STAM: variants seen among roughly 807,000 people sequenced by gnomAD.
The protein encoded by STAM is signal transducing adapter molecule 1.
A neutral mutation model predicts 63.4 loss-of-function variants in STAM; 16 were observed. The ratio of observed to expected loss-of-function variants is 0.25; its 90% CI spans 0.17 to 0.38. The LOEUF (loss-of-function observed/expected upper bound fraction) is 0.38. Among genes scored for constraint, STAM ranks in the 10% least tolerant of loss-of-function variants. The pLI, the probability that STAM is intolerant of heterozygous loss-of-function variation, is 1.00. For synonymous variants in STAM, 238 were observed against 223.9 expected (o/e 1.06, Z -0.56); for missense variants, 636 against 657.1 (o/e 0.97, Z 0.35).
At chr10:17,673,086 A>G in intron 2 of STAM, 1 of 970,494 alleles carries the variant, frequency 1.0e-6, no homozygotes. Context: ...CAGGTAGGTG[A>G]TGGAAACCTT....
In STAM at chr10:17,677,720, C is replaced by T. The variant is rs150085297; in HGVS notation, c.126-6955C>T. 2.0e-3 allele frequency among the ~76,000 whole-genome samples: 310 copies of T among 152,284 alleles called. 2 individuals are homozygous for T. Among genetic ancestry groups the T allele is most frequent in the African/African-American group, 7.2e-3 (298 of 41,564 alleles). Reference sequence around the variant, plus strand: ...AATTGAATGCTTGGCACATAATAGACATTCAGTCAATATTAGTTCTTTTGT... The same window carrying T: ...AATTGAATGCTTGGCACATAATAGATATTCAGTCAATATTAGTTCTTTTGT... On this transcript the variant is annotated intron_variant, in intron 2 of 13. Transcript: ENST00000377524.
chr10:17,648,434 C>T (rs1833604117), intron 1 of STAM, among the ~76,000 whole-genome samples: 1 of 152,208 alleles, frequency 6.6e-6, no homozygotes, highest in Non-Finnish European at 1.5e-5. Flanking sequence ...TAGCCAGCAG[C>T]AGCAACCGGC....
chr10:17,658,712 C>G lies in STAM; in HGVS notation c.41-1752C>G, dbSNP rs549293200. 8.5e-5 allele frequency among the ~76,000 whole-genome samples: 13 copies of G among 152,262 alleles called. No individual in the cohort carries two copies. The East Asian group carries it at 2.5e-3, about 29-fold the overall frequency. ...ATGTTGCCCAGGCTGGTCTTGAACT[C>G]CTGGGCTCAAATGATCTGCCCACTT... On this transcript the variant is annotated intron_variant, in intron 1 of 13. Transcript: ENST00000377524.
intron 5 of STAM, among the ~76,000 whole-genome samples, 200 bp downstream of exon 5, chr10:17,688,373 T>C (rs1459253352): frequency 6.6e-6 from 1 of 152,234 alleles, no homozygotes; most frequent in East Asian, 1.9e-4. Context: ...AAAAGTATTA[T>C]AATGGAATAT....
At chr10:17,688,664 T>C (rs1008950063) in intron 5 of STAM, among the ~76,000 whole-genome samples, 2 of 151,874 alleles carry the variant, frequency 1.3e-5, no homozygotes, top group Admixed American at 1.3e-4. Context: ...GGTTTCACCA[T>C]GTTGGCCAGG....
intron 1 of STAM, among the ~76,000 whole-genome samples, chr10:17,659,485 T>C (rs1554822589): frequency 6.8e-6 from 1 of 147,306 alleles, no homozygotes; most frequent in African/African-American, 2.5e-5. Flanking sequence ...TTTTTTTTTT[T>C]AAAGAGATAG....
At position 17,716,164 on chromosome 10, in the gene STAM, G is replaced by C. The variant is rs548482512; in HGVS notation, c.*1384G>C. ...TTAGCACTATTTAAACAACGGAAAA[G>C]TTGAGTCGAACATCATATTTAATGA... On this transcript the variant is annotated 3_prime_UTR_variant, in exon 14 of 14. Transcript: ENST00000377524. Among the ~76,000 whole-genome samples the C allele has an allele frequency of 6.6e-6, 1 of 152,086 alleles. No homozygotes were observed. The highest frequency in any genetic ancestry group is 2.4e-5 in the African/African-American group (1 of 41,440).
chr10:17,706,838 ACT>A (rs756179859), intron 12 of STAM, among the ~76,000 whole-genome samples: 1 of 152,180 alleles, frequency 6.6e-6, no homozygotes. Context: ...AGCTAAGAAA[ACT>A]CTCTTAAATA....
intron 2 of STAM, among the ~76,000 whole-genome samples, chr10:17,665,186 T>C (rs1451444774): frequency 1.3e-5 from 2 of 152,110 alleles, no homozygotes; most frequent in Non-Finnish European, 2.9e-5. Flanking sequence ...CTTAATTCCT[T>C]CTCTTAAAAA....
intron 6 of STAM, among the ~76,000 whole-genome samples, chr10:17,693,522 G>A (rs924979105): frequency 6.6e-6 from 1 of 152,052 alleles, no homozygotes; most frequent in South Asian, 2.1e-4. Flanking sequence ...TTACTATACC[G>A]TGTATCCAAA....
intron 1 of STAM, 21 bp downstream of exon 1, chr10:17,644,400 C>T: frequency 6.2e-7 from 1 of 1,614,034 alleles, no homozygotes; most frequent in Non-Finnish European, 8.5e-7. Flanking sequence ...TTGCCTCTCC[C>T]TGCCCATTCC....
intron 5 of STAM, among the ~76,000 whole-genome samples, chr10:17,689,343 G>A (rs1317941039): frequency 6.6e-6 from 1 of 152,182 alleles, no homozygotes; most frequent in Non-Finnish European, 1.5e-5. Context: ...AGGGAGTCAT[G>A]TAGCTTATCT....
At chr10:17,680,902 A>G (rs1589066114) in intron 2 of STAM, among the ~76,000 whole-genome samples, 1 of 152,170 alleles carries the variant, frequency 6.6e-6, no homozygotes, top group Admixed American at 6.5e-5. Context: ...CCTTTTAGCT[A>G]TTGTGAATAA....
chr10:17,660,271 T>C (rs1554822711), intron 1 of STAM, among the ~76,000 whole-genome samples, 193 bp from the exon 2 acceptor site: 2 of 152,166 alleles, frequency 1.3e-5, no homozygotes, highest in East Asian at 3.8e-4. Flanking sequence ...GCATTGTGAA[T>C]AGGGAAAATA....
Position 17,659,631 on chromosome 10 carries a change from G to A in STAM, c.41-833G>A, listed in dbSNP as rs150907681. On this transcript the variant is annotated intron_variant, in intron 1 of 13. Transcript: ENST00000377524. ...ATACAGGTGCATGCCACCAGGCCCAGCTAATTATTTTTTTAAAGATGAGGC... is the reference window on the plus strand; with the variant it reads ...ATACAGGTGCATGCCACCAGGCCCAACTAATTATTTTTTTAAAGATGAGGC... 1.8e-3 allele frequency among the ~76,000 whole-genome samples: 270 copies of A among 151,856 alleles called. 2 individuals are homozygous for A. Among genetic ancestry groups the A allele is most frequent in the Middle Eastern group, 6.8e-3 (2 of 294 alleles).
intron 8 of STAM, 37 bp downstream of exon 8, chr10:17,696,906 C>G (rs1162753269): frequency 2.6e-6 from 4 of 1,522,768 alleles, no homozygotes; most frequent in Non-Finnish European, 3.6e-6. Flanking sequence ...ATGATGTTTT[C>G]TAATCCTTTT....
chr10:17,710,766 A>C (rs2131701192), intron 13 of STAM, among the ~76,000 whole-genome samples: 1 of 152,342 alleles, frequency 6.6e-6, no homozygotes, highest in Admixed American at 6.5e-5. Flanking sequence ...GAACTCAGTA[A>C]ATATTTTATG....
chr10:17,691,590 GTATTT>G (rs1835539675), intron 5 of STAM, among the ~76,000 whole-genome samples: 2 of 152,194 alleles, frequency 1.3e-5, no homozygotes, highest in Non-Finnish European at 2.9e-5. Context: ...ATGTAGAACT[GTATTT>G]TATTATAATG....
chr10:17,674,924 ACACT>A lies in STAM; in HGVS notation c.126-9748_126-9745del, dbSNP rs144997868. 6.7e-3 allele frequency among the ~76,000 whole-genome samples: 1,021 copies of A among 152,360 alleles called. 7 individuals are homozygous for A. Among genetic ancestry groups the A allele is most frequent in the African/African-American group, 0.023 (967 of 41,584 alleles). On this transcript the variant is annotated intron_variant, in intron 2 of 13. Transcript: ENST00000377524. ...ATAAATTCCACTTTTGATACTTGAG[ACACT>A]CAATCCTTAAGAATGGAATGACAAA...
Sources: gnomAD v4.1 joint callset for allele counts (sites outside exome capture counted in the v4.1 genomes callset) on GRCh38, gnomAD v4.1.1 for gene constraint, MANE v1.5 for transcripts, NCBI Gene and HGNC (gene_info 2026-07-23, HGNC 2026-07-21) for gene names.